APLF: variants seen among roughly 807,000 people sequenced by gnomAD.
APLF encodes the protein aprataxin and PNK-like factor.
A neutral mutation model predicts 55.6 loss-of-function variants in APLF; 61 were observed. That is an observed-to-expected ratio of 1.10 (90% CI 0.89 to 1.36). The LOEUF (loss-of-function observed/expected upper bound fraction) is 1.36. APLF is among the 40% of genes most tolerant of loss of function. The pLI, the probability that APLF is intolerant of heterozygous loss-of-function variation, is 0.00. For missense variants in APLF, 611 were observed against 602.5 expected (o/e 1.01, Z -0.15); for synonymous variants, 207 against 214.8 (o/e 0.96, Z 0.32).
chr2:68,524,106 A>G (rs1669968150), intron 5 of APLF, among the ~76,000 whole-genome samples: 1 of 152,144 alleles, frequency 6.6e-6, no homozygotes, highest in Admixed American at 6.5e-5. Flanking sequence ...ATAATCAGCA[A>G]TACCACTAGT....
At chr2:68,505,452 T>G (rs543992913) in intron 3 of APLF, among the ~76,000 whole-genome samples, 8 of 152,120 alleles carry the variant, frequency 5.3e-5, no homozygotes, top group Admixed American at 4.6e-4. Context: ...ACACTTTAAA[T>G]TTATCAGGTT....
intron 8 of APLF, among the ~76,000 whole-genome samples, chr2:68,562,346 T>C (rs1671192544): frequency 6.6e-6 from 1 of 152,080 alleles, no homozygotes; most frequent in African/African-American, 2.4e-5. Context: ...TATATTCTAA[T>C]AGATGGACTG....
chr2:68,566,544 G>C (rs1227162319), intron 8 of APLF, among the ~76,000 whole-genome samples: 1 of 152,074 alleles, frequency 6.6e-6, no homozygotes, highest in Non-Finnish European at 1.5e-5. Context: ...TCCTGACACA[G>C]GTATATTCGA....
chr2:68,516,850 T>A (rs1177953727), intron 5 of APLF, among the ~76,000 whole-genome samples: 1 of 136,610 alleles, frequency 7.3e-6, no homozygotes, highest in Non-Finnish European at 1.5e-5. Flanking sequence ...TCACGTTTTA[T>A]ATATATAATA....
In APLF at chr2:68,578,829, T is replaced by G; in HGVS notation, c.*807T>G. 2 of 985,342 alleles carry G rather than the reference T, an allele frequency of 2.0e-6. No individual in the cohort carries two copies. Among genetic ancestry groups the G allele is most frequent in the Non-Finnish European group, 2.4e-6 (2 of 829,872 alleles). The allele number at this position is 985,342 out of a possible 1,614,324, so 61.0% of individuals were successfully genotyped here. ...GGCATTAGTTTTGCCTTAGTTTTTT[T>G]GACCTCAGATGAAAGTAGCAAGTTG... On this transcript the variant is annotated 3_prime_UTR_variant, in exon 10 of 10. Coordinates refer to ENST00000303795, the MANE Select transcript of APLF (RefSeq NM_173545.3).
At chr2:68,523,066 A>G (rs1461976005) in intron 5 of APLF, among the ~76,000 whole-genome samples, 1 of 151,984 alleles carries the variant, frequency 6.6e-6, no homozygotes, top group Non-Finnish European at 1.5e-5. Context: ...ATAGCCTGCC[A>G]AACAATATAC....
At chr2:68,572,470 A>G (rs1160517106) in intron 9 of APLF, among the ~76,000 whole-genome samples, 2 of 152,234 alleles carry the variant, frequency 1.3e-5, no homozygotes, top group Non-Finnish European at 2.9e-5. Flanking sequence ...ATGAAGAATT[A>G]TCAATGTTAA....
At chr2:68,572,698 G>A (rs1385257489) in intron 9 of APLF, among the ~76,000 whole-genome samples, 1 of 152,060 alleles carries the variant, frequency 6.6e-6, no homozygotes, top group Non-Finnish European at 1.5e-5. Context: ...TTAACCAGTT[G>A]TGGTGATGGG....
At chr2:68,525,861 T>C (rs886821113) in intron 5 of APLF, among the ~76,000 whole-genome samples, 200 bp from the exon 6 acceptor site, 6 of 150,750 alleles carry the variant, frequency 4.0e-5, no homozygotes, top group Non-Finnish European at 8.8e-5. Flanking sequence ...GTGATTCTTA[T>C]GCCTCTGCTT....
intron 4 of APLF, 48 bp downstream of exon 4, chr2:68,513,275 T>C: frequency 6.5e-7 from 1 of 1,543,828 alleles, no homozygotes; most frequent in Non-Finnish European, 8.7e-7. Context: ...CTTCAAGTTA[T>C]TATGAAGGCA....
Position 68,514,114 on chromosome 2 carries a change from A to G in APLF, c.622+434A>G, listed in dbSNP as rs1160650908. Among the ~76,000 whole-genome samples, 5 of 151,706 alleles carry G rather than the reference A, an allele frequency of 3.3e-5. 1 individual carries two copies. The highest frequency in any genetic ancestry group is 7.4e-5 in the Non-Finnish European group (5 of 67,792). On this transcript the variant is annotated intron_variant, in intron 5 of 9. Coordinates refer to ENST00000303795, the MANE Select transcript of APLF (RefSeq NM_173545.3). ...ATCTAGTGAATTATTCATTTTAGTTATTGTACTTTTCAGTTCTGGAATTCC... is the reference window on the plus strand; with the variant it reads ...ATCTAGTGAATTATTCATTTTAGTTGTTGTACTTTTCAGTTCTGGAATTCC...
intron 6 of APLF, chr2:68,528,154 C>T (rs546088482): frequency 9.5e-5 from 60 of 631,238 alleles, no homozygotes; most frequent in Non-Finnish European, 1.5e-4. Flanking sequence ...CAGAGATGCT[C>T]CTCAGGTCTC....
At chr2:68,510,043 G>T (rs554653214) in intron 3 of APLF, among the ~76,000 whole-genome samples, 26 of 138,818 alleles carry the variant, frequency 1.9e-4, no homozygotes, top group Middle Eastern at 3.7e-3. Flanking sequence ...ACAGGAAGGG[G>T]AACATCACAC....
intron 9 of APLF, chr2:68,568,440 C>A: frequency 5.0e-6 from 2 of 397,692 alleles, no homozygotes; most frequent in Non-Finnish European, 6.8e-6. Context: ...GTACTCCAGA[C>A]ATAAAAATAT....
chr2:68,517,432 T>C (rs1287665505), intron 5 of APLF, among the ~76,000 whole-genome samples: 1 of 132,460 alleles, frequency 7.5e-6, no homozygotes, highest in Admixed American at 7.8e-5. Flanking sequence ...TATATTAATA[T>C]ATCTATATAT....
At chr2:68,543,473 G>A (rs1013818114) in intron 7 of APLF, among the ~76,000 whole-genome samples, 1 of 152,200 alleles carries the variant, frequency 6.6e-6, no homozygotes, top group Non-Finnish European at 1.5e-5. Flanking sequence ...TGGTGAGGTT[G>A]TTGAAAAACT....
At chr2:68,563,826 A>C (rs1671226809) in intron 8 of APLF, among the ~76,000 whole-genome samples, 1 of 152,050 alleles carries the variant, frequency 6.6e-6, no homozygotes. Context: ...CCCGAAGCAA[A>C]CATATATTAA....
Position 68,577,980 on chromosome 2 carries a change from A to C in APLF, c.1494A>C (p.Glu498Asp). 1 of 1,613,454 alleles carries C rather than the reference A, an allele frequency of 6.2e-7. No homozygotes were observed. The highest frequency in any genetic ancestry group is 8.5e-7 in the Non-Finnish European group (1 of 1,179,628). ...GKEDEEKEDV[E>D]ELLKEAKRFM... Reference sequence around the variant, plus strand: ...AAGATGAAGAGAAGGAAGATGTGGAAGAGCTTTTGAAAGAAGCAAAAAGGT... The same window carrying C: ...AAGATGAAGAGAAGGAAGATGTGGACGAGCTTTTGAAAGAAGCAAAAAGGT... The change falls in exon 10 of 10, where the codon GAA becomes GAC. Residue 498 changes from glutamate (E) to aspartate (D), a missense_variant. Glu to Asp is a conservative substitution (Grantham distance 45, BLOSUM62 2). Coordinates refer to ENST00000303795, the MANE Select transcript of APLF (RefSeq NM_173545.3).
chr2:68,523,860 T>A (rs1007842460), intron 5 of APLF, among the ~76,000 whole-genome samples: 1 of 151,914 alleles, frequency 6.6e-6, no homozygotes, highest in Non-Finnish European at 1.5e-5. Context: ...TTTTATATAC[T>A]CTTTGTGAAG....
Sources: allele counts gnomAD v4.1 joint callset (sites outside exome capture counted in the v4.1 genomes callset), GRCh38; gene constraint gnomAD v4.1.1; transcripts MANE v1.5; gene names NCBI Gene and HGNC (gene_info 2026-07-23, HGNC 2026-07-21).